HMCN1: variants seen among roughly 807,000 people sequenced by gnomAD.
HMCN1 encodes the protein hemicentin-1.
Under a neutral mutation model 625.9 loss-of-function variants are expected in HMCN1, and 321 were observed. The observed-to-expected ratio is 0.51, with a 90% CI of 0.47 to 0.56. The LOEUF is 0.56. Among genes scored for constraint, HMCN1 ranks in the 20% least tolerant of loss-of-function variants. The pLI, the probability that HMCN1 is intolerant of heterozygous loss-of-function variation, is 0.00. For synonymous variants in HMCN1, 2,425 were observed against 2,417.6 expected, an observed-to-expected ratio of 1.00 and a Z score of -0.09; for missense variants, 6,588 against 6,887.3, an observed-to-expected ratio of 0.96 and a Z score of 1.54.
At chr1:186,166,963 T>A (rs757220540) in intron 100 of HMCN1, 21 bp downstream of exon 100, 7 of 1,613,936 alleles carry the variant, frequency 4.3e-6, no homozygotes, top group African/African-American at 1.3e-5. Flanking sequence ...GGAGGCCTTT[T>A]CTTTATGTTC....
At chr1:185,856,675 G>C (rs901761853) in intron 2 of HMCN1, among the ~76,000 whole-genome samples, 4 of 152,070 alleles carry the variant, frequency 2.6e-5, no homozygotes, top group Non-Finnish European at 5.9e-5. Flanking sequence ...GTTAGAATAA[G>C]GGTAAATATT....
intron 1 of HMCN1, among the ~76,000 whole-genome samples, chr1:185,776,525 A>G (rs1247568675): frequency 1.3e-5 from 2 of 151,968 alleles, no homozygotes; most frequent in African/African-American, 4.8e-5. Context: ...TGGAGTAAAT[A>G]CAAATCTCTT....
rs1449505588 is a variant in HMCN1 at position 186,093,647 on chromosome 1, C to T, written c.10174C>T (p.Leu3392=). The T allele has an allele frequency of 6.2e-7, 1 of 1,613,338 alleles. No homozygotes were observed. Among genetic ancestry groups the T allele is most frequent in the South Asian group, 1.1e-5 (1 of 91,080 alleles). Residue 3392 remains leucine (L), a synonymous_variant, in exon 66 of 107, where the codon CTG becomes TTG. Transcript: ENST00000271588. Reference sequence around the variant, plus strand: ...GCCTCTCTCCTCCCATATCCGGTTACTGGCAGCAGGACAAGTTATCAGGTC... The same window carrying T: ...GCCTCTCTCCTCCCATATCCGGTTATTGGCAGCAGGACAAGTTATCAGGTC... ...PLPLSSHIRL[L]AAGQVIRIVR... is the part of the protein sequence containing the mutation.
intron 21 of HMCN1, among the ~76,000 whole-genome samples, chr1:185,989,881 A>G (rs1209532452): frequency 6.6e-6 from 1 of 151,340 alleles, no homozygotes; most frequent in African/African-American, 2.4e-5. Flanking sequence ...TTTCGGAAAA[A>G]TTTTATGGTG....
In HMCN1 at chr1:186,071,040, A is replaced by G. The variant is rs969567608; in HGVS notation, c.8139+283A>G. Among the ~76,000 whole-genome samples the G allele has an allele frequency of 1.2e-4, 18 of 152,320 alleles. 1 individual carries two copies. Among genetic ancestry groups the G allele is most frequent in the Admixed American group, 1.2e-3 (18 of 15,282 alleles). Reference sequence around the variant, plus strand: ...TAATATACAATTGTAATTGTATATTAGCAGTTGTCTATGAAAATCTGGCCA... The same window carrying G: ...TAATATACAATTGTAATTGTATATTGGCAGTTGTCTATGAAAATCTGGCCA... On this transcript the variant is annotated intron_variant, in intron 52 of 106. Transcript: ENST00000271588.
At chr1:186,175,814 T>A (rs1284573552) in intron 103 of HMCN1, among the ~76,000 whole-genome samples, 1 of 145,056 alleles carries the variant, frequency 6.9e-6, no homozygotes, top group African/African-American at 2.6e-5. Flanking sequence ...ATGTGGAGGT[T>A]GCAGTGAGCC....
At chr1:185,872,597 A>C (rs980686395) in intron 4 of HMCN1, among the ~76,000 whole-genome samples, 2 of 152,106 alleles carry the variant, frequency 1.3e-5, no homozygotes. Context: ...TATCATTTAG[A>C]AAAAATATAC....
At position 185,894,909 on chromosome 1, in the gene HMCN1, A is replaced by G. The variant is rs543338048; in HGVS notation, c.622-14428A>G. 1.2e-4 allele frequency among the ~76,000 whole-genome samples: 19 copies of G among 152,188 alleles called. 1 individual carries two copies. The South Asian group carries it at 3.7e-3, about 30-fold the overall frequency. ...ACGGTAGTTTGGGTAGTTTCTGGCAATATCTTTCTGTTGATATTTAACTAC... is the reference window on the plus strand; with the variant it reads ...ACGGTAGTTTGGGTAGTTTCTGGCAGTATCTTTCTGTTGATATTTAACTAC... On this transcript the variant is annotated intron_variant, in intron 4 of 106. Coordinates refer to ENST00000271588, the MANE Select transcript of HMCN1 (RefSeq NM_031935.3).
chr1:185,737,782 A>G (rs1340882017), intron 1 of HMCN1, among the ~76,000 whole-genome samples: 1 of 152,218 alleles, frequency 6.6e-6, no homozygotes, highest in Non-Finnish European at 1.5e-5. Context: ...ATTCTGGGAT[A>G]TATTCTATGT....
In HMCN1 at chr1:186,039,638, T is replaced by C. The variant is rs570543054; in HGVS notation, c.6029-90T>C. 2.9e-6 allele frequency: 4 copies of C among 1,367,106 alleles called. No individual in the cohort carries two copies. In the African/African-American group the frequency reaches 5.7e-5, roughly 20 times the overall value. 84.7% of individuals were successfully genotyped at this position (1,367,106 alleles called of 1,614,324 possible). Reference sequence around the variant, plus strand: ...ACAAGCAAACCCTCCAATAAGAACATAATATTGTAGACATTAGATGTAGTT... The same window carrying C: ...ACAAGCAAACCCTCCAATAAGAACACAATATTGTAGACATTAGATGTAGTT... On this transcript the variant is annotated intron_variant, in intron 38 of 106. Transcript: ENST00000271588.
intron 6 of HMCN1, among the ~76,000 whole-genome samples, chr1:185,918,596 C>T (rs114697041): frequency 0.025 from 3,733 of 152,252 alleles, 78 homozygotes; most frequent in Non-Finnish European, 0.033. Context: ...CTAATTTTAA[C>T]GTATCACTAG....
chr1:185,869,625 C>T lies in HMCN1; in HGVS notation c.621+3762C>T, dbSNP rs565483528. Among the ~76,000 whole-genome samples the T allele has an allele frequency of 2.1e-4, 32 of 152,090 alleles. No individual in the cohort carries two copies. The East Asian group carries it at 6.2e-3, about 29-fold the overall frequency. On this transcript the variant is annotated intron_variant, in intron 4 of 106. Coordinates refer to ENST00000271588, the MANE Select transcript of HMCN1 (RefSeq NM_031935.3). ...AAGCTCCTACTGGAACTGTACAAGTCAATATATTCCTTAAAGAAAGCTACC... is the reference window on the plus strand; with the variant it reads ...AAGCTCCTACTGGAACTGTACAAGTTAATATATTCCTTAAAGAAAGCTACC...
At chr1:186,063,088 A>ATG (rs1209554546) in intron 48 of HMCN1, among the ~76,000 whole-genome samples, 3 of 124,272 alleles carry the variant, frequency 2.4e-5, no homozygotes, top group African/African-American at 1.1e-4. Context: ...ATATATATAT[A>ATG]TATATATATA....
In HMCN1 at chr1:186,016,971, G is replaced by T. The variant is rs752735308; in HGVS notation, c.5200G>T (p.Ala1734Ser). ...TTCCTGTTGTTTTCTAGTGCCACCA[G>T]CTATAGAAGGAGGAGATGAAACATC... ...KYEVDVLVPP[A>S]IEGGDETSYF... The change falls in exon 33 of 107, where the codon GCT (alanine) becomes TCT (serine). Residue 1734 changes from alanine (A) to serine (S), a missense_variant. Physicochemically the swap from Ala to Ser is moderately conservative, Grantham distance 99 (BLOSUM62 1). This residue lies in a region of HMCN1 where 4,628 missense variants were observed against 4,853.1 expected (regional missense o/e 0.95). Transcript: ENST00000271588. 1.5e-5 allele frequency: 23 copies of T among 1,586,122 alleles called. No individual in the cohort carries two copies. Among genetic ancestry groups the T allele is most frequent in the Non-Finnish European group, 2.0e-5 (23 of 1,155,138 alleles).
chr1:186,008,553 A>G (rs902965618), intron 30 of HMCN1, among the ~76,000 whole-genome samples: 4 of 152,098 alleles, frequency 2.6e-5, no homozygotes, highest in African/African-American at 7.2e-5. Flanking sequence ...TTTCTATTGA[A>G]CAACACTGGT....
rs1659137997 is a variant in HMCN1 at position 186,081,009 on chromosome 1, GA to G, written c.8600-197del. ...GTCTAGCATAAGTGAAGAGAGGGAA[GA>G]GAATAAAGCCAAATTCAAATACTGT... On this transcript the variant is annotated intron_variant, in intron 55 of 106. Coordinates refer to ENST00000271588, the MANE Select transcript of HMCN1 (RefSeq NM_031935.3). Among the ~76,000 whole-genome samples the G allele has an allele frequency of 3.3e-5, 5 of 152,242 alleles. No individual in the cohort carries two copies. The South Asian group carries it at 1.0e-3, about 32-fold the overall frequency.
At chr1:186,059,922 C>A (rs867777596) in intron 46 of HMCN1, among the ~76,000 whole-genome samples, 1 of 151,990 alleles carries the variant, frequency 6.6e-6, no homozygotes, top group Non-Finnish European at 1.5e-5. Context: ...GTAGAGCCAG[C>A]AGTGATTCAT....
intron 48 of HMCN1, among the ~76,000 whole-genome samples, chr1:186,064,331 C>T (rs1174622489): frequency 6.6e-6 from 1 of 151,804 alleles, no homozygotes; most frequent in Non-Finnish European, 1.5e-5. Flanking sequence ...AATACAGGAT[C>T]TCTTCCTAGA....
chr1:185,982,480 A>G (rs1651715668), intron 18 of HMCN1, 91 bp downstream of exon 18: 4 of 1,252,212 alleles, frequency 3.2e-6, no homozygotes, highest in Non-Finnish European at 3.4e-6. Context: ...TCATTCTGTC[A>G]CCTAGGCTGG....
Sources: allele counts gnomAD v4.1 joint callset (sites outside exome capture counted in the v4.1 genomes callset), GRCh38; gene constraint gnomAD v4.1.1; regional missense constraint gnomAD v4.1.1; transcripts MANE v1.5; gene names NCBI Gene and HGNC (gene_info 2026-07-23, HGNC 2026-07-21).